The following PBX3 variants were observed in gnomAD, a reference collection of about 807,000 sequenced individuals.
PBX3 encodes the protein pre-B-cell leukemia transcription factor 3.
Under a neutral mutation model 48.5 loss-of-function variants are expected in PBX3, and 14 were observed. That is an observed-to-expected ratio of 0.29 (90% CI 0.19 to 0.45). The LOEUF (loss-of-function observed/expected upper bound fraction) is 0.45, where lower values mean the gene tolerates loss of function less well. Ranked by LOEUF, PBX3 falls within the 20% of genes least tolerant of loss-of-function variation. The pLI, the probability that PBX3 is intolerant of heterozygous loss-of-function variation, is 1.00. For synonymous variants in PBX3, 210 were observed against 200.3 expected (o/e 1.05, Z -0.41); for missense variants, 386 against 546.7 (o/e 0.71, Z 2.93).
At chr9:125,859,275 C>T (rs1050444631) in intron 2 of PBX3, among the ~76,000 whole-genome samples, 4 of 152,142 alleles carry the variant, frequency 2.6e-5, no homozygotes, top group African/African-American at 9.7e-5. Context: ...GGGCTCTGTC[C>T]TTCATAGCAT....
At chr9:125,870,487 CAA>C (rs1840094824) in intron 2 of PBX3, among the ~76,000 whole-genome samples, 1 of 152,060 alleles carries the variant, frequency 6.6e-6, no homozygotes, top group East Asian at 1.9e-4. Flanking sequence ...AACAAACAAA[CAA>C]ACAAACAAAA....
intron 2 of PBX3, among the ~76,000 whole-genome samples, chr9:125,813,516 C>T (rs552100541): frequency 6.6e-6 from 1 of 152,186 alleles, no homozygotes; most frequent in Non-Finnish European, 1.5e-5. Context: ...TGTCATATAA[C>T]AAGACACCCA....
chr9:125,750,016 G>A (rs1032542836), intron 2 of PBX3, among the ~76,000 whole-genome samples: 5 of 152,170 alleles, frequency 3.3e-5, no homozygotes, highest in African/African-American at 4.8e-5. Flanking sequence ...TTTAGAAAGC[G>A]TTTTGATTTA....
chr9:125,929,586 C>A, intron 3 of PBX3, 69 bp from the exon 4 acceptor site: 2 of 1,114,804 alleles, frequency 1.8e-6, no homozygotes, highest in African/African-American at 1.6e-5. Context: ...GGTGTAAATT[C>A]AGATGAGTGA....
At chr9:125,808,134 A>G (rs972490717) in intron 2 of PBX3, among the ~76,000 whole-genome samples, 1 of 152,208 alleles carries the variant, frequency 6.6e-6, no homozygotes, top group East Asian at 1.9e-4. Flanking sequence ...AAATCACTAC[A>G]TACATACAAT....
At chr9:125,953,242 G>A in intron 5 of PBX3, among the ~76,000 whole-genome samples, 1 of 152,074 alleles carries the variant, frequency 6.6e-6, no homozygotes, top group Non-Finnish European at 1.5e-5. Context: ...CAGCACTTTG[G>A]GAGATAGGTG....
chr9:125,783,147 C>G (rs1378602467), intron 2 of PBX3, among the ~76,000 whole-genome samples: 2 of 152,108 alleles, frequency 1.3e-5, no homozygotes, highest in Non-Finnish European at 2.9e-5. Context: ...CCGTCCCTTT[C>G]TGTCTCTCCT....
intron 2 of PBX3, among the ~76,000 whole-genome samples, chr9:125,831,489 T>C (rs532351595): frequency 2.0e-4 from 31 of 152,114 alleles, no homozygotes; most frequent in African/African-American, 7.2e-4. Context: ...CGATCTCGAT[T>C]AGCCAGAGTG....
chr9:125,957,775 T>A (rs1842339865), intron 5 of PBX3, among the ~76,000 whole-genome samples: 1 of 152,250 alleles, frequency 6.6e-6, no homozygotes, highest in Admixed American at 6.5e-5. Flanking sequence ...GAATTTTCAT[T>A]AATTATGCTT....
chr9:125,952,871 A>G (rs1370652696), intron 5 of PBX3, among the ~76,000 whole-genome samples: 1 of 152,218 alleles, frequency 6.6e-6, no homozygotes, highest in Non-Finnish European at 1.5e-5. Flanking sequence ...CAAGAAACAC[A>G]AAAACAGAAA....
intron 8 of PBX3, among the ~76,000 whole-genome samples, chr9:125,963,879 G>C (rs1842479839): frequency 6.6e-6 from 1 of 151,742 alleles, no homozygotes; most frequent in African/African-American, 2.4e-5. Context: ...AAGTGATTGA[G>C]GATGTTCAAT....
At chr9:125,782,121 C>T (rs1402572451) in intron 2 of PBX3, among the ~76,000 whole-genome samples, 1 of 152,122 alleles carries the variant, frequency 6.6e-6, no homozygotes, top group African/African-American at 2.4e-5. Flanking sequence ...CAAGAGTGAG[C>T]AATTTACAAA....
Position 125,872,964 on chromosome 9 carries a change from C to A in PBX3, c.275-42722C>A, listed in dbSNP as rs371051117. Among the ~76,000 whole-genome samples, 15 of 151,574 alleles carry A rather than the reference C, an allele frequency of 9.9e-5. No homozygotes were observed. In the South Asian group the frequency reaches 2.9e-3, roughly 30 times the overall value. On this transcript the variant is annotated intron_variant, in intron 2 of 8. Coordinates refer to ENST00000373489, the MANE Select transcript of PBX3 (RefSeq NM_006195.6). Reference sequence around the variant, plus strand: ...TCTGTAATCCCAGCACTTTGGGAGACCGAGGCGGGTGGATCATGAGGTCAG... The same window carrying A: ...TCTGTAATCCCAGCACTTTGGGAGAACGAGGCGGGTGGATCATGAGGTCAG...
At chr9:125,922,542 A>G (rs1389636889) in intron 3 of PBX3, among the ~76,000 whole-genome samples, 1 of 152,210 alleles carries the variant, frequency 6.6e-6, no homozygotes, top group Non-Finnish European at 1.5e-5. Context: ...TGACAGTTTC[A>G]CTTGGAAAAC....
intron 5 of PBX3, among the ~76,000 whole-genome samples, chr9:125,954,828 T>C (rs1041828059): frequency 6.6e-6 from 1 of 152,240 alleles, no homozygotes; most frequent in Non-Finnish European, 1.5e-5. Context: ...TGAGCCACCA[T>C]GCCTGGCCTA....
At chr9:125,765,644 T>C (rs540944660) in intron 2 of PBX3, among the ~76,000 whole-genome samples, 37 of 152,338 alleles carry the variant, frequency 2.4e-4, no homozygotes, top group Admixed American at 1.1e-3. Flanking sequence ...TGCAAGTCTT[T>C]TACAGACACA....
chr9:125,898,465 A>T (rs1240855537), intron 2 of PBX3, among the ~76,000 whole-genome samples: 4 of 151,622 alleles, frequency 2.6e-5, no homozygotes, highest in Non-Finnish European at 5.9e-5. Context: ...AAAAAATAAA[A>T]AAAAGGGCCT....
At chr9:125,824,398 T>C (rs1838747398) in intron 2 of PBX3, among the ~76,000 whole-genome samples, 1 of 152,198 alleles carries the variant, frequency 6.6e-6, no homozygotes, top group Non-Finnish European at 1.5e-5. Context: ...AGTTCCGTTA[T>C]TCCATGATGC....
At chr9:125,910,142 T>A (rs1163120612) in intron 2 of PBX3, among the ~76,000 whole-genome samples, 1 of 152,184 alleles carries the variant, frequency 6.6e-6, no homozygotes, top group African/African-American at 2.4e-5. Context: ...TATGAATTTC[T>A]AGTAAGCAGT....
Sources: gnomAD v4.1 joint callset for allele counts (sites outside exome capture counted in the v4.1 genomes callset) on GRCh38, gnomAD v4.1.1 for gene constraint, MANE v1.5 for transcripts, NCBI Gene and HGNC (gene_info 2026-07-23, HGNC 2026-07-21) for gene names.